The following ATAD2 variants were observed in gnomAD, a reference collection of about 807,000 sequenced individuals.
ATAD2 encodes ATPase family AAA domain containing 2.
A neutral mutation model predicts 168.9 loss-of-function variants in ATAD2; 62 were observed. The observed-to-expected ratio is 0.37, with a 90% confidence interval of 0.30 to 0.45. The LOEUF (loss-of-function observed/expected upper bound fraction) is 0.45. Among genes scored for constraint, ATAD2 ranks in the 20% least tolerant of loss-of-function variants. The probability of loss-of-function intolerance (pLI) is 1.00; values close to 1 mark genes in which losing one functional copy is unlikely to be tolerated. For synonymous variants in ATAD2, 613 were observed against 571.6 expected (o/e 1.07, Z -1.03); for missense variants, 1,419 against 1,667.8 (o/e 0.85, Z 2.60).
Position 123,321,001 on chromosome 8 carries a change from T to G in ATAD2, c.*133A>C. ...TATGTACATAAATATCAGGAAAGTT[T>G]AAATACTTTTATTTTACTATTTTAA... On this transcript the variant is annotated 3_prime_UTR_variant, in exon 28 of 28. Transcript: ENST00000287394. The G allele has an allele frequency of 1.3e-6, 1 of 774,276 alleles. No homozygotes were observed. The highest frequency in any genetic ancestry group is 2.8e-5 in the East Asian group (1 of 35,478). 48.0% of individuals were successfully genotyped at this position (774,276 alleles called of 1,614,324 possible).
At chr8:123,415,172 G>A (rs904628502) in intron 1 of ATAD2, among the ~76,000 whole-genome samples, 1 of 152,052 alleles carries the variant, frequency 6.6e-6, no homozygotes, top group African/African-American at 2.4e-5. Context: ...GCTTAGTTTC[G>A]CTGGATACAA....
At chr8:123,383,560 T>C (rs564669648) in intron 1 of ATAD2, among the ~76,000 whole-genome samples, 1 of 150,030 alleles carries the variant, frequency 6.7e-6, no homozygotes, top group African/African-American at 2.5e-5. Flanking sequence ...TCACCTGAGA[T>C]TGGGAGTTCG....
intron 13 of ATAD2, among the ~76,000 whole-genome samples, chr8:123,351,402 C>T (rs1019655384): frequency 2.0e-5 from 3 of 152,152 alleles, no homozygotes; most frequent in Admixed American, 6.5e-5. Context: ...TAGCTGCCCC[C>T]ACCAGTTGTG....
intron 8 of ATAD2, among the ~76,000 whole-genome samples, chr8:123,367,937 C>G (rs1174281530): frequency 2.6e-5 from 4 of 152,122 alleles, no homozygotes; most frequent in African/African-American, 9.7e-5. Context: ...AGAAAACTTC[C>G]AAGAACTGTT....
At chr8:123,345,152 C>T (rs1029118580) in intron 18 of ATAD2, 83 bp from the exon 19 acceptor site, 1 of 1,315,698 alleles carries the variant, frequency 7.6e-7, no homozygotes, top group South Asian at 1.6e-5. Flanking sequence ...CAATGTTTAA[C>T]CTCCCAGGAG....
chr8:123,354,849 A>T (rs1205139011), intron 13 of ATAD2, among the ~76,000 whole-genome samples: 4 of 121,070 alleles, frequency 3.3e-5, no homozygotes, highest in African/African-American at 1.4e-4. Context: ...AAAAAAAAAA[A>T]AAAAAAAAAA....
intron 25 of ATAD2, among the ~76,000 whole-genome samples, chr8:123,327,810 CTT>C (rs897257358): frequency 6.6e-5 from 10 of 152,162 alleles, no homozygotes; most frequent in African/African-American, 2.4e-4. Flanking sequence ...ATAGCAGACT[CTT>C]ATCTTGCTTA....
chr8:123,407,726 G>A (rs1319132487), intron 1 of ATAD2, among the ~76,000 whole-genome samples: 1 of 152,032 alleles, frequency 6.6e-6, no homozygotes, highest in African/African-American at 2.4e-5. Flanking sequence ...GGTGGCACAC[G>A]ACTGTAATCC....
intron 1 of ATAD2, among the ~76,000 whole-genome samples, chr8:123,389,485 A>G (rs536697095): frequency 1.3e-5 from 2 of 151,072 alleles, no homozygotes; most frequent in East Asian, 4.0e-4. Flanking sequence ...CTAAAAATAC[A>G]AAAACTTAGC....
At chr8:123,329,157 C>A (rs1827701069) in intron 24 of ATAD2, among the ~76,000 whole-genome samples, 1 of 152,008 alleles carries the variant, frequency 6.6e-6, no homozygotes. Context: ...CATGATCTGT[C>A]TAATGCATAT....
rs113064839 is a variant in ATAD2, at chr8:123,369,918, T to TTCATCATCA, written c.825_833dup (p.Asp275_Asp277dup). 635 of 1,567,982 alleles carry TTCATCATCA rather than the reference T, an allele frequency of 4.0e-4. 4 individuals carry two copies. The African/African-American group carries it at 7.6e-3, about 19-fold the overall frequency. On this transcript the variant is annotated inframe_insertion, in exon 7 of 28. Coordinates refer to ENST00000287394, the MANE Select transcript of ATAD2 (RefSeq NM_014109.4). ...CTCCATCTTCTTCATCTTCATCATCTTCATCATCATCATCATCATCATCAT... is the reference window on the plus strand; with the variant it reads ...CTCCATCTTCTTCATCTTCATCATCTTCATCATCATCATCATCATCATCATCATCATCAT...
chr8:123,323,198 G>T, intron 26 of ATAD2, 132 bp from the exon 27 acceptor site: 1 of 891,702 alleles, frequency 1.1e-6, no homozygotes, highest in Non-Finnish European at 1.6e-6. Context: ...ACACAGGGCA[G>T]CCTCTGGCAG....
intron 19 of ATAD2, 43 bp from the exon 20 acceptor site, chr8:123,339,489 T>C: frequency 5.4e-6 from 8 of 1,488,280 alleles, no homozygotes; most frequent in Non-Finnish European, 7.3e-6. Flanking sequence ...TATATACAGA[T>C]GATCCCCAAC....
chr8:123,380,773 A>G (rs1479866334), intron 1 of ATAD2, 96 bp from the exon 2 acceptor site: 2 of 1,298,458 alleles, frequency 1.5e-6, no homozygotes, highest in African/African-American at 3.0e-5. Flanking sequence ...AGTTAGTAAA[A>G]ACTGCTTTTT....
chr8:123,347,209 G>T lies in ATAD2; in HGVS notation c.2095C>A (p.Gln699Lys). 6.2e-7 allele frequency: 1 copy of T among 1,614,144 alleles called. No homozygotes were observed. Among genetic ancestry groups the T allele is most frequent in the Non-Finnish European group, 8.5e-7 (1 of 1,180,024 alleles). ...GGTTTCACAACGGTGGACAGTGCCT[G>T]CCCAGGTGATGTCACAGCTCTTTGG... ...ASQRAVTSPG[Q>K]ALSTVVKPLL... Residue 699 changes from glutamine to lysine, a missense_variant, in exon 16 of 28, where the codon CAG becomes AAG. Transcript: ENST00000287394.
chr8:123,356,976 T>C (rs1828668879), intron 12 of ATAD2, among the ~76,000 whole-genome samples: 1 of 152,160 alleles, frequency 6.6e-6, no homozygotes, highest in Non-Finnish European at 1.5e-5. Context: ...CGCAAAAATA[T>C]TTATTGAACT....
chr8:123,341,651 G>T (rs1168379745), intron 19 of ATAD2, among the ~76,000 whole-genome samples: 2 of 152,292 alleles, frequency 1.3e-5, no homozygotes, highest in South Asian at 2.1e-4. Flanking sequence ...CTGTATTCTT[G>T]TTCTTTGGGC....
chr8:123,380,923 A>G (rs1478723460), intron 1 of ATAD2: 16 of 417,548 alleles, frequency 3.8e-5, no homozygotes, highest in Non-Finnish European at 6.4e-5. Flanking sequence ...CAAGTAGTTC[A>G]TAACCACTTT....
intron 1 of ATAD2, among the ~76,000 whole-genome samples, chr8:123,415,314 G>C (rs1384978236): frequency 6.6e-6 from 1 of 152,204 alleles, no homozygotes; most frequent in Non-Finnish European, 1.5e-5. Flanking sequence ...TAGAGGCTAT[G>C]TGGAAGTTTG....
Sources: allele counts gnomAD v4.1 joint callset (sites outside exome capture counted in the v4.1 genomes callset), GRCh38; gene constraint gnomAD v4.1.1; transcripts MANE v1.5; gene names NCBI Gene and HGNC (gene_info 2026-07-23, HGNC 2026-07-21).